Variants in CNTLN observed in about 807,000 individuals in gnomAD.
The protein encoded by CNTLN is centlein, centrosomal protein.
CNTLN carries 212 observed loss-of-function variants against 180.0 expected under a neutral mutation model. The ratio of observed to expected loss-of-function variants is 1.18; its 90% CI spans 1.05 to 1.32. The LOEUF (loss-of-function observed/expected upper bound fraction) is 1.32, where lower values mean the gene tolerates loss of function less well. Ranked by LOEUF, CNTLN falls within the 40% of genes most tolerant of loss-of-function variation. The pLI, the probability that CNTLN is intolerant of heterozygous loss-of-function variation, is 0.00. For synonymous variants in CNTLN, 722 were observed against 563.1 expected (o/e 1.28, Z -3.99); for missense variants, 2,095 against 1,610.9 (o/e 1.30, Z -5.14).
At chr9:17,457,146 G>T (rs993029201) in intron 18 of CNTLN, among the ~76,000 whole-genome samples, 1 of 152,088 alleles carries the variant, frequency 6.6e-6, no homozygotes, top group Admixed American at 6.5e-5. Flanking sequence ...GCTAACATCT[G>T]TTATCTTGTC....
intron 10 of CNTLN, among the ~76,000 whole-genome samples, chr9:17,338,387 G>T (rs944814921): frequency 7.2e-6 from 1 of 138,012 alleles, no homozygotes; most frequent in Non-Finnish European, 1.5e-5. Flanking sequence ...TGGCCAGTCC[G>T]GTCTCAAACT....
At position 17,330,812 on chromosome 9, in the gene CNTLN, G is replaced by A. The variant is rs1224110146; in HGVS notation, c.1518+4G>A. 1 of 1,593,110 alleles carries A rather than the reference G, an allele frequency of 6.3e-7. No individual in the cohort carries two copies. The highest frequency in any genetic ancestry group is 1.8e-5 in the Admixed American group (1 of 55,096). ...AAGTGCTGAAGGAAAACATAAGGTAGGGACATTTTGTCATTTTGTGAATTT... is the reference window on the plus strand; with the variant it reads ...AAGTGCTGAAGGAAAACATAAGGTAAGGACATTTTGTCATTTTGTGAATTT... On this transcript the variant is annotated splice_donor_region_variant and intron_variant, in intron 9 of 25. Coordinates refer to ENST00000380647, the MANE Select transcript of CNTLN (RefSeq NM_017738.4).
At chr9:17,221,054 C>T (rs1478440444) in intron 2 of CNTLN, among the ~76,000 whole-genome samples, 1 of 152,082 alleles carries the variant, frequency 6.6e-6, no homozygotes, top group Admixed American at 6.6e-5. Context: ...AATGCTTTGA[C>T]TTTCATGATC....
chr9:17,500,421 A>G (rs1833683103), intron 25 of CNTLN, among the ~76,000 whole-genome samples: 1 of 152,214 alleles, frequency 6.6e-6, no homozygotes, highest in African/African-American at 2.4e-5. Context: ...TTTGCAAACA[A>G]TATGATTAAT....
At chr9:17,321,490 A>G (rs1006218784) in intron 8 of CNTLN, among the ~76,000 whole-genome samples, 3 of 152,178 alleles carry the variant, frequency 2.0e-5, no homozygotes, top group Non-Finnish European at 1.5e-5. Flanking sequence ...GAATGAACAC[A>G]TGAAAATCCT....
the CNTLN span, among the ~76,000 whole-genome samples, chr9:17,515,331 C>G: frequency 6.6e-6 from 1 of 152,098 alleles, no homozygotes; most frequent in Non-Finnish European, 1.5e-5. Flanking sequence ...TACTACCAGG[C>G]TCACTTTTAA....
chr9:17,158,979 T>C (rs1296147215), intron 2 of CNTLN, among the ~76,000 whole-genome samples: 2 of 152,144 alleles, frequency 1.3e-5, no homozygotes, highest in African/African-American at 2.4e-5. Context: ...CATTTATAGT[T>C]ATATCCTTCC....
At chr9:17,355,339 A>T (rs1822749743) in intron 12 of CNTLN, among the ~76,000 whole-genome samples, 1 of 152,110 alleles carries the variant, frequency 6.6e-6, no homozygotes. Flanking sequence ...TTCTTTACAT[A>T]TTCTAGATGT....
chr9:17,387,674 A>T (rs1825780999), intron 13 of CNTLN, among the ~76,000 whole-genome samples: 1 of 151,830 alleles, frequency 6.6e-6, no homozygotes, highest in Non-Finnish European at 1.5e-5. Flanking sequence ...CCAGTGCATG[A>T]TCCTTCACTT....
At chr9:17,490,739 A>G (rs2134355060) in intron 25 of CNTLN, among the ~76,000 whole-genome samples, 2 of 152,192 alleles carry the variant, frequency 1.3e-5, no homozygotes, top group African/African-American at 4.8e-5. Context: ...TTTTATCTCC[A>G]CTTAAAACAG....
Position 17,483,124 on chromosome 9 carries a change from A to G in CNTLN, c.3856-1171A>G, listed in dbSNP as rs550849757. Among the ~76,000 whole-genome samples, 19 of 152,266 alleles carry G rather than the reference A, an allele frequency of 1.2e-4. 1 individual carries two copies. In the Middle Eastern group the frequency reaches 0.017, roughly 136 times the overall value. Reference sequence around the variant, plus strand: ...TAATGAAATAATTGAAATATATACAATAGGCAAATATAATTTCCCGAATAC... The same window carrying G: ...TAATGAAATAATTGAAATATATACAGTAGGCAAATATAATTTCCCGAATAC... On this transcript the variant is annotated intron_variant, in intron 23 of 25. Coordinates refer to ENST00000380647, the MANE Select transcript of CNTLN (RefSeq NM_017738.4).
chr9:17,365,345 C>T (rs571474390), intron 12 of CNTLN, among the ~76,000 whole-genome samples: 3 of 152,266 alleles, frequency 2.0e-5, no homozygotes, highest in Non-Finnish European at 2.9e-5. Context: ...ATGAGGCCTC[C>T]TCAGCCATGC....
chr9:17,518,540 A>G, the CNTLN span, among the ~76,000 whole-genome samples: 5 of 152,142 alleles, frequency 3.3e-5, no homozygotes, highest in African/African-American at 1.2e-4. Context: ...TTATCTGATA[A>G]TGGCCATAAA....
chr9:17,393,574 A>G (rs536875121), intron 14 of CNTLN, among the ~76,000 whole-genome samples: 1 of 152,184 alleles, frequency 6.6e-6, no homozygotes, highest in Non-Finnish European at 1.5e-5. Flanking sequence ...TGTGAAATTT[A>G]AGTTTTCAGA....
intron 2 of CNTLN, among the ~76,000 whole-genome samples, chr9:17,180,046 C>T (rs1821022535): frequency 6.6e-6 from 1 of 151,828 alleles, no homozygotes; most frequent in African/African-American, 2.4e-5. Flanking sequence ...TTTCAACTTA[C>T]CTATATTGCC....
chr9:17,478,638 T>A (rs1832481305), intron 23 of CNTLN, among the ~76,000 whole-genome samples: 1 of 152,114 alleles, frequency 6.6e-6, no homozygotes, highest in Non-Finnish European at 1.5e-5. Flanking sequence ...GATACTTAAG[T>A]CTTTTATCCA....
intron 19 of CNTLN, among the ~76,000 whole-genome samples, chr9:17,462,624 C>T (rs1176404685): frequency 1.3e-5 from 2 of 151,614 alleles, no homozygotes; most frequent in African/African-American, 2.4e-5. Context: ...CACATATTTA[C>T]ATTATACCAG....
the CNTLN span, among the ~76,000 whole-genome samples, chr9:17,516,340 A>G: frequency 6.6e-6 from 1 of 152,338 alleles, no homozygotes; most frequent in African/African-American, 2.4e-5. Context: ...TTGCTCACCC[A>G]TTGCAAGGGT....
At chr9:17,498,170 A>G (rs1186120577) in intron 25 of CNTLN, among the ~76,000 whole-genome samples, 1 of 151,984 alleles carries the variant, frequency 6.6e-6, no homozygotes, top group Non-Finnish European at 1.5e-5. Context: ...CCTTATTTCC[A>G]TTTTTTCTTT....
Sources: gnomAD v4.1 joint callset for allele counts (sites outside exome capture counted in the v4.1 genomes callset) on GRCh38, gnomAD v4.1.1 for gene constraint, MANE v1.5 for transcripts, NCBI Gene and HGNC (gene_info 2026-07-23, HGNC 2026-07-21) for gene names.